ZNF610: variants seen among roughly 807,000 people sequenced by gnomAD.
ZNF610 encodes zink finger protein.
Under a neutral mutation model 14.1 loss-of-function variants are expected in ZNF610, and 14 were observed. The ratio of observed to expected loss-of-function variants is 0.99; its 90% confidence interval spans 0.65 to 1.55. The LOEUF is 1.55. Ranked by LOEUF, ZNF610 falls within the 40% of genes most tolerant of loss-of-function variation. The pLI, the probability that ZNF610 is intolerant of heterozygous loss-of-function variation, is 0.00. For missense variants in ZNF610, 530 were observed against 558.0 expected, an observed-to-expected ratio of 0.95 and a Z score of 0.51; for synonymous variants, 185 against 187.6, an observed-to-expected ratio of 0.99 and a Z score of 0.11.
At chr19:52,358,860 T>G (rs1985652876) in intron 5 of ZNF610, among the ~76,000 whole-genome samples, 1 of 152,210 alleles carries the variant, frequency 6.6e-6, no homozygotes, top group African/African-American at 2.4e-5. Context: ...TTCATTCCTT[T>G]CTTGTGGATA....
intron 1 of ZNF610, among the ~76,000 whole-genome samples, chr19:52,340,670 AATTATTATT>A (rs34182877): frequency 2.1e-5 from 3 of 146,104 alleles, no homozygotes; most frequent in Non-Finnish European, 3.0e-5. Flanking sequence ...TTGTCTAGGA[AATTATTATT>A]ATTATTATTA....
At chr19:52,361,838 A>AT (rs1325408169) in intron 5 of ZNF610, among the ~76,000 whole-genome samples, 2 of 151,396 alleles carry the variant, frequency 1.3e-5, no homozygotes, top group African/African-American at 2.4e-5. Context: ...TCTAATCTTA[A>AT]TTTTTTCTTT....
chr19:52,332,462 C>A (rs951343087), upstream of ZNF610, among the ~76,000 whole-genome samples: 1 of 152,128 alleles, frequency 6.6e-6, no homozygotes, highest in African/African-American at 2.4e-5. This position sits in a 1 kb window ranked among gnomAD's most constrained non-coding sequence, Gnocchi z 4.1. Context: ...CCATTATCAT[C>A]TTCTTATTCT....
In ZNF610 at chr19:52,342,565, G is replaced by T. The variant is rs188684208; in HGVS notation, c.-257-5142G>T. On this transcript the variant is annotated intron_variant, in intron 1 of 5. Coordinates refer to ENST00000403906, the MANE Select transcript of ZNF610 (RefSeq NM_001161425.2). Reference sequence around the variant, plus strand: ...GACGGAGTCTTACTCTGTCACCCGGGCTGGAGTGTAGTGGCGCAATCTCGG... The same window carrying T: ...GACGGAGTCTTACTCTGTCACCCGGTCTGGAGTGTAGTGGCGCAATCTCGG... Among the ~76,000 whole-genome samples the T allele has an allele frequency of 4.7e-3, 709 of 150,710 alleles. 10 individuals carry two copies. The highest frequency in any genetic ancestry group is 6.8e-3 in the Middle Eastern group (2 of 294).
chr19:52,350,277 C>T (rs1243342097), intron 3 of ZNF610, among the ~76,000 whole-genome samples: 1 of 152,196 alleles, frequency 6.6e-6, no homozygotes, highest in Non-Finnish European at 1.5e-5. Context: ...AATACGAAGC[C>T]TCCCCTGCCC....
At chr19:52,362,467 T>C (rs1395019343) in intron 5 of ZNF610, among the ~76,000 whole-genome samples, 2 of 152,224 alleles carry the variant, frequency 1.3e-5, no homozygotes, top group African/African-American at 4.8e-5. Context: ...TTGCCTGTGC[T>C]GGTCTGCAAC....
At chr19:52,351,844 T>C (rs776629440) in intron 3 of ZNF610, among the ~76,000 whole-genome samples, 2 of 152,232 alleles carry the variant, frequency 1.3e-5, no homozygotes, top group Non-Finnish European at 2.9e-5. Context: ...AGGAGAAATC[T>C]GGAGTTTGTG....
intron 1 of ZNF610, among the ~76,000 whole-genome samples, chr19:52,342,924 C>T (rs321960): frequency 0.72 from 108,943 of 151,974 alleles, 40,843 homozygotes; most frequent in South Asian, 0.85. Flanking sequence ...TCTCTCTGCC[C>T]ACACCCTCTA....
intron 1 of ZNF610, among the ~76,000 whole-genome samples, chr19:52,341,648 A>G (rs1390623794): frequency 6.6e-6 from 1 of 151,042 alleles, no homozygotes; most frequent in Non-Finnish European, 1.5e-5. Flanking sequence ...TTTTTAAGGG[A>G]CGGGGCCTCA....
chr19:52,340,733 T>C (rs1047153507), intron 1 of ZNF610, among the ~76,000 whole-genome samples: 1 of 151,750 alleles, frequency 6.6e-6, no homozygotes, highest in Non-Finnish European at 1.5e-5. Flanking sequence ...CAGGCTGGAA[T>C]GTAATGGCGC....
intron 5 of ZNF610, among the ~76,000 whole-genome samples, chr19:52,356,112 A>G (rs987434970): frequency 2.0e-5 from 3 of 152,188 alleles, no homozygotes; most frequent in African/African-American, 7.2e-5. Flanking sequence ...AGGACATCTC[A>G]AGGTCTTCAG....
chr19:52,340,181 A>T (rs189503360), intron 1 of ZNF610, among the ~76,000 whole-genome samples: 96 of 152,288 alleles, frequency 6.3e-4, no homozygotes, highest in African/African-American at 1.9e-3. Context: ...CAGGCAGATC[A>T]CTTGAGGTCA....
chr19:52,346,713 G>A (rs185770609), intron 1 of ZNF610, among the ~76,000 whole-genome samples: 7 of 152,154 alleles, frequency 4.6e-5, no homozygotes, highest in African/African-American at 9.6e-5. Context: ...TTCCTCTCTC[G>A]TTTTCCTAAT....
intron 3 of ZNF610, among the ~76,000 whole-genome samples, chr19:52,353,335 T>C (rs1412249678): frequency 6.6e-6 from 1 of 152,236 alleles, no homozygotes; most frequent in African/African-American, 2.4e-5. Context: ...GGGCTTTTGC[T>C]AATACCTACA....
At chr19:52,356,042 GC>G (rs968227534) in intron 5 of ZNF610, among the ~76,000 whole-genome samples, 3 of 152,114 alleles carry the variant, frequency 2.0e-5, no homozygotes, top group African/African-American at 7.2e-5. Flanking sequence ...CTGGTAATCA[GC>G]CCCATCCAAG....
At chr19:52,345,176 A>G (rs1042406922) in intron 1 of ZNF610, 4 of 152,168 alleles carry the variant, frequency 2.6e-5, no homozygotes, top group African/African-American at 9.7e-5. Flanking sequence ...GATTACTTCC[A>G]CGACCCCTGA....
upstream of ZNF610, among the ~76,000 whole-genome samples, chr19:52,334,999 T>A (rs965887479): frequency 7.5e-6 from 1 of 132,944 alleles, no homozygotes; most frequent in Non-Finnish European, 1.6e-5. Flanking sequence ...TTGGTTTTTT[T>A]AAAAGCAACA....
intron 1 of ZNF610, among the ~76,000 whole-genome samples, chr19:52,340,096 G>A (rs1017452856): frequency 3.3e-5 from 5 of 152,326 alleles, no homozygotes; most frequent in African/African-American, 1.2e-4. Flanking sequence ...AGCTGCGAGC[G>A]TGCCACAGAA....
intron 5 of ZNF610, among the ~76,000 whole-genome samples, chr19:52,356,236 CAG>C (rs1490827534): frequency 6.6e-6 from 1 of 152,166 alleles, no homozygotes; most frequent in African/African-American, 2.4e-5. Flanking sequence ...GTGTGTGTCA[CAG>C]GGGAGTAGGT....
Sources: allele counts gnomAD v4.1 joint callset (sites outside exome capture counted in the v4.1 genomes callset), GRCh38; gene constraint gnomAD v4.1.1; non-coding constraint Gnocchi (gnomAD v3.1); transcripts MANE v1.5; gene names NCBI Gene and HGNC (gene_info 2026-07-23, HGNC 2026-07-21).